AP3B1: variants seen among roughly 807,000 people sequenced by gnomAD.
AP3B1 encodes the protein adaptor related protein complex 3 subunit beta 1.
AP3B1 carries 61 observed loss-of-function variants against 132.5 expected under a neutral mutation model. The observed-to-expected ratio is 0.46, with a 90% CI of 0.37 to 0.57. The LOEUF (loss-of-function observed/expected upper bound fraction) is 0.57. Among genes scored for constraint, AP3B1 ranks in the 20% least tolerant of loss-of-function variants. AP3B1 has a pLI of 0.00. For missense variants in AP3B1, 1,120 were observed against 1,289.4 expected (o/e 0.87, Z 2.01); for synonymous variants, 388 against 438.3 (o/e 0.89, Z 1.43).
chr5:78,115,595 C>A (rs1751791574), intron 18 of AP3B1, among the ~76,000 whole-genome samples: 1 of 152,100 alleles, frequency 6.6e-6, no homozygotes, highest in Non-Finnish European at 1.5e-5. Flanking sequence ...CTAAATCCTT[C>A]CTATTAAGCA....
chr5:78,275,610 G>A (rs535519536), intron 1 of AP3B1, among the ~76,000 whole-genome samples: 117 of 152,182 alleles, frequency 7.7e-4, no homozygotes, highest in Non-Finnish European at 1.5e-3. Flanking sequence ...CAAGTAGCTG[G>A]GATTATAGGC....
intron 6 of AP3B1, among the ~76,000 whole-genome samples, chr5:78,217,778 G>C (rs1207991794): frequency 6.6e-6 from 1 of 151,744 alleles, no homozygotes; most frequent in Non-Finnish European, 1.5e-5. Context: ...ATTGGTAAAG[G>C]GTGTTAAAGT....
At position 78,213,081 on chromosome 5, in the gene AP3B1, G is replaced by T. The variant is rs150850680; in HGVS notation, c.786+2974C>A. On this transcript the variant is annotated intron_variant, in intron 7 of 26. Coordinates refer to ENST00000255194, the MANE Select transcript of AP3B1 (RefSeq NM_003664.5). ...TTTTTAGTAGAGATGGGGTTTCACC[G>T]TGTTAGCCAGGATGGTCTTGATCTC... Among the ~76,000 whole-genome samples, 4 of 151,736 alleles carry T rather than the reference G, an allele frequency of 2.6e-5. No individual in the cohort carries two copies. The South Asian group carries it at 8.3e-4, about 32-fold the overall frequency.
chr5:78,202,292 T>A (rs1745323875), intron 7 of AP3B1, among the ~76,000 whole-genome samples: 1 of 152,184 alleles, frequency 6.6e-6, no homozygotes, highest in South Asian at 2.1e-4. Context: ...ATTGGCAGCA[T>A]GAAAATGGAC....
At chr5:78,234,850 G>A (rs528031595) in intron 3 of AP3B1, among the ~76,000 whole-genome samples, 42 of 152,158 alleles carry the variant, frequency 2.8e-4, no homozygotes, top group Non-Finnish European at 5.1e-4. Flanking sequence ...TCTCACACCA[G>A]TGGGTATAAT....
intron 3 of AP3B1, among the ~76,000 whole-genome samples, chr5:78,230,137 T>C (rs1477753794): frequency 6.6e-6 from 1 of 152,204 alleles, no homozygotes; most frequent in Non-Finnish European, 1.5e-5. Flanking sequence ...CTTTTCCAAA[T>C]GTACTGCTGA....
chr5:78,097,274 G>A (rs1468604761), intron 21 of AP3B1, among the ~76,000 whole-genome samples: 2 of 120,580 alleles, frequency 1.7e-5, no homozygotes, highest in Non-Finnish European at 3.8e-5. Context: ...CACCCCGTCC[G>A]GGAGGGAGGT....
chr5:78,116,089 A>T (rs1228834654), intron 18 of AP3B1, 37 bp downstream of exon 18: 1 of 1,406,832 alleles, frequency 7.1e-7, no homozygotes, highest in Non-Finnish European at 1.0e-6. Context: ...GTAATCTACT[A>T]TGTAAATAAT....
At chr5:78,097,508 T>G (rs1462131828) in intron 21 of AP3B1, among the ~76,000 whole-genome samples, 1 of 57,310 alleles carries the variant, frequency 1.7e-5, no homozygotes, top group Non-Finnish European at 3.3e-5. Flanking sequence ...GGGAGGGAGG[T>G]GGGGGGGTCA....
At chr5:78,141,943 C>A (rs1439753856) in intron 14 of AP3B1, among the ~76,000 whole-genome samples, 1 of 152,100 alleles carries the variant, frequency 6.6e-6, no homozygotes, top group African/African-American at 2.4e-5. Context: ...CATTTGAGAA[C>A]CCACAGATAA....
chr5:78,037,890 A>G (rs1747870781), intron 23 of AP3B1, among the ~76,000 whole-genome samples: 2 of 152,246 alleles, frequency 1.3e-5, no homozygotes, highest in African/African-American at 4.8e-5. Context: ...ACAAAAACCA[A>G]AAAGAAAGAG....
chr5:78,039,783 AAAAAAAAAAG>A (rs1747982049), intron 22 of AP3B1, among the ~76,000 whole-genome samples: 2 of 150,352 alleles, frequency 1.3e-5, no homozygotes, highest in Non-Finnish European at 3.0e-5. Context: ...GTCTCAAAAA[AAAAAAAAAAG>A]AAAAGAAAAG....
In AP3B1 at chr5:78,032,166, C is replaced by T. The variant is rs921026582; in HGVS notation, c.2894+2195G>A. ...ACAGTTCTGTCTATATCTATTTATC[C>T]ATAGATACAATTATAATGATATAGA... On this transcript the variant is annotated intron_variant, in intron 24 of 26. Transcript: ENST00000255194. Among the ~76,000 whole-genome samples, 3 of 152,054 alleles carry T rather than the reference C, an allele frequency of 2.0e-5. No homozygotes were observed. In the East Asian group the frequency reaches 5.8e-4, roughly 29 times the overall value.
intron 22 of AP3B1, among the ~76,000 whole-genome samples, chr5:78,041,633 A>T (rs1748092011): frequency 6.6e-6 from 1 of 151,868 alleles, no homozygotes; most frequent in Non-Finnish European, 1.5e-5. Flanking sequence ...TATAATAAAC[A>T]ATTAGCTAAA....
At chr5:78,164,751 T>G (rs1247288102) in intron 12 of AP3B1, among the ~76,000 whole-genome samples, 2 of 152,162 alleles carry the variant, frequency 1.3e-5, no homozygotes, top group East Asian at 3.8e-4. Flanking sequence ...CATATTATTC[T>G]ACTATTCCTG....
chr5:78,283,630 G>A (rs1218259419), intron 1 of AP3B1, among the ~76,000 whole-genome samples: 1 of 152,094 alleles, frequency 6.6e-6, no homozygotes, highest in Non-Finnish European at 1.5e-5. Flanking sequence ...TAGCTGTCCT[G>A]AATACCTTAT....
intron 7 of AP3B1, among the ~76,000 whole-genome samples, chr5:78,215,571 A>G (rs1183676438): frequency 6.6e-6 from 1 of 152,322 alleles, no homozygotes; most frequent in African/African-American, 2.4e-5. Context: ...TATAAATACA[A>G]AACTAGGAAA....
At position 78,073,174 on chromosome 5, in the gene AP3B1, C is replaced by A. The variant is rs538966058; in HGVS notation, c.2577+16219G>T. ...TCTACAGCTAAATTCGTTTCTCTTC[C>A]TTCGAAGAGAAATAAAGGTTTTGTA... On this transcript the variant is annotated intron_variant, in intron 22 of 26. Transcript: ENST00000255194. Among the ~76,000 whole-genome samples, 6 of 152,230 alleles carry A rather than the reference C, an allele frequency of 3.9e-5. No homozygotes were observed. The South Asian group carries it at 1.0e-3, about 26-fold the overall frequency.
intron 22 of AP3B1, among the ~76,000 whole-genome samples, chr5:78,052,878 A>G (rs1473842085): frequency 6.6e-6 from 1 of 152,232 alleles, no homozygotes; most frequent in Non-Finnish European, 1.5e-5. Context: ...CTATTCATAC[A>G]TATGTTCTCC....
Sources: allele counts gnomAD v4.1 joint callset (sites outside exome capture counted in the v4.1 genomes callset), GRCh38; gene constraint gnomAD v4.1.1; transcripts MANE v1.5; gene names NCBI Gene and HGNC (gene_info 2026-07-23, HGNC 2026-07-21).